Variants in FSTL5 observed in about 807,000 individuals in gnomAD.
FSTL5 encodes the protein follistatin-related protein 5.
Under a neutral mutation model 89.1 loss-of-function variants are expected in FSTL5, and 62 were observed. The observed-to-expected ratio is 0.70, with a 90% confidence interval of 0.57 to 0.86. FSTL5 has a LOEUF of 0.86. Ranked by LOEUF, FSTL5 falls within the 40% of genes least tolerant of loss-of-function variation. The pLI is 0.00. For missense variants in FSTL5, 1,057 were observed against 1,001.6 expected (o/e 1.06, Z -0.75); for synonymous variants, 383 against 346.2 (o/e 1.11, Z -1.18).
At chr4:161,887,260 C>G (rs1195893804) in intron 4 of FSTL5, among the ~76,000 whole-genome samples, 1 of 152,034 alleles carries the variant, frequency 6.6e-6, no homozygotes, top group East Asian at 1.9e-4. Flanking sequence ...GACACAATGA[C>G]AAAAAAGTGT....
intron 6 of FSTL5, among the ~76,000 whole-genome samples, chr4:161,722,942 T>C (rs1403965821): frequency 3.3e-5 from 5 of 152,178 alleles, no homozygotes; most frequent in Non-Finnish European, 5.9e-5. Context: ...ATGTGGCTTT[T>C]TATAATGTCA....
At position 161,897,944 on chromosome 4, in the gene FSTL5, C is replaced by T. The variant is rs1449235168; in HGVS notation, c.409+22460G>A. On this transcript the variant is annotated intron_variant, in intron 4 of 15. Coordinates refer to ENST00000306100, the MANE Select transcript of FSTL5 (RefSeq NM_020116.5). ...CTCCTTACTGTCTCAATACTTTTGC[C>T]TTTTCTAAAATGTCATATAATTGGA... Among the ~76,000 whole-genome samples, 4 of 151,840 alleles carry T rather than the reference C, an allele frequency of 2.6e-5. No homozygotes were observed. The East Asian group carries it at 7.7e-4, about 29-fold the overall frequency.
At position 161,510,417 on chromosome 4, in the gene FSTL5, G is replaced by T; in HGVS notation, c.1320C>A (p.Asn440Lys). Residue 440 changes from asparagine to lysine, a missense_variant, in exon 11 of 16, where the codon AAC becomes AAA. Physicochemically the swap from Asn to Lys is moderately conservative, Grantham distance 94 (BLOSUM62 0). This residue lies in a region of FSTL5 where 980 missense variants were observed against 903.2 expected (regional missense o/e 1.08). Coordinates refer to ENST00000306100, the MANE Select transcript of FSTL5 (RefSeq NM_020116.5). ...VEDSARKTLA[N>K]ILWREEGLGI... ...TAGTACCTTCTTCTCTCCATAATAT[G>T]TTAGCTACTGCAGCATGTTGAAAGA... The T allele has an allele frequency of 1.3e-6, 2 of 1,534,220 alleles. No individual in the cohort carries two copies. The highest frequency in any genetic ancestry group is 1.8e-6 in the Non-Finnish European group (2 of 1,140,314).
At chr4:161,684,050 A>T (rs1737618895) in intron 6 of FSTL5, among the ~76,000 whole-genome samples, 1 of 152,146 alleles carries the variant, frequency 6.6e-6, no homozygotes, top group Non-Finnish European at 1.5e-5. Flanking sequence ...CTCCAATCTC[A>T]TCCAGGTTGC....
chr4:161,861,465 G>C (rs1731914946), intron 4 of FSTL5, among the ~76,000 whole-genome samples: 1 of 151,386 alleles, frequency 6.6e-6, no homozygotes, highest in Non-Finnish European at 1.5e-5. Flanking sequence ...AAAGAAGGGA[G>C]GGAAAGAAAG....
chr4:161,924,635 A>G (rs1197946369), intron 3 of FSTL5, among the ~76,000 whole-genome samples: 1 of 151,722 alleles, frequency 6.6e-6, no homozygotes, highest in East Asian at 1.9e-4. Context: ...AAGGAGATTG[A>G]GATCATGTAA....
intron 4 of FSTL5, among the ~76,000 whole-genome samples, chr4:161,894,197 G>T (rs889260670): frequency 1.3e-5 from 2 of 152,044 alleles, no homozygotes; most frequent in Non-Finnish European, 2.9e-5. Flanking sequence ...GTAAGAGGTG[G>T]AGCACAGGTT....
At chr4:161,769,336 T>C (rs1039889616) in intron 5 of FSTL5, among the ~76,000 whole-genome samples, 1 of 151,998 alleles carries the variant, frequency 6.6e-6, no homozygotes, top group Non-Finnish European at 1.5e-5. Context: ...ACTCATTCCA[T>C]GAGACCAGTA....
chr4:161,395,438 G>T (rs1243963987), intron 15 of FSTL5, among the ~76,000 whole-genome samples: 1 of 151,914 alleles, frequency 6.6e-6, no homozygotes, highest in Non-Finnish European at 1.5e-5. Context: ...TCTTTCTATT[G>T]CAATTAAAAA....
intron 3 of FSTL5, among the ~76,000 whole-genome samples, chr4:162,025,328 C>T (rs1054439044): frequency 2.0e-5 from 3 of 152,034 alleles, no homozygotes; most frequent in African/African-American, 7.2e-5. Flanking sequence ...ATGTTTCTAT[C>T]ATGGATGTAC....
At chr4:161,607,352 C>A (rs569927948) in intron 7 of FSTL5, among the ~76,000 whole-genome samples, 2 of 151,962 alleles carry the variant, frequency 1.3e-5, no homozygotes, top group Non-Finnish European at 2.9e-5. Context: ...ACCCAGCTGC[C>A]TTTTTTAAGT....
chr4:161,840,835 C>T (rs748651648), intron 4 of FSTL5, among the ~76,000 whole-genome samples: 7 of 152,056 alleles, frequency 4.6e-5, no homozygotes, highest in Non-Finnish European at 7.4e-5. Flanking sequence ...GCTGCCTTTT[C>T]GTCTGACTTC....
chr4:161,613,107 C>G (rs1268500522), intron 7 of FSTL5, among the ~76,000 whole-genome samples: 2 of 152,060 alleles, frequency 1.3e-5, no homozygotes, highest in Non-Finnish European at 2.9e-5. Context: ...GAATCTAGGA[C>G]TAATACATGA....
At chr4:161,571,379 A>C (rs374526332) in intron 8 of FSTL5, among the ~76,000 whole-genome samples, 1 of 152,120 alleles carries the variant, frequency 6.6e-6, no homozygotes, top group Admixed American at 6.6e-5. Flanking sequence ...GGGAACAAAA[A>C]TGTGTGGGCC....
At chr4:161,600,814 T>C (rs1196466982) in intron 7 of FSTL5, among the ~76,000 whole-genome samples, 1 of 152,148 alleles carries the variant, frequency 6.6e-6, no homozygotes, top group Non-Finnish European at 1.5e-5. Context: ...GGCCTTATCT[T>C]GGGATATAAA....
intron 4 of FSTL5, among the ~76,000 whole-genome samples, chr4:161,897,606 T>C (rs1477833499): frequency 6.7e-6 from 1 of 148,380 alleles, no homozygotes; most frequent in South Asian, 2.1e-4. Context: ...AAAAAAAATA[T>C]ATATATGCAG....
At chr4:161,543,688 A>G (rs1200966388) in intron 8 of FSTL5, among the ~76,000 whole-genome samples, 1 of 152,036 alleles carries the variant, frequency 6.6e-6, no homozygotes, top group East Asian at 1.9e-4. Context: ...TTATTCTGGG[A>G]CAATTGGAAA....
chr4:161,975,754 A>AAAAATAAAATAAAATAAAAT (rs201057312), intron 3 of FSTL5, among the ~76,000 whole-genome samples: 12 of 134,944 alleles, frequency 8.9e-5, no homozygotes, highest in African/African-American at 2.8e-4. Flanking sequence ...AAAGTATAAT[A>AAAAATAAAATAAAATAAAAT]AAAATAAAAT....
At chr4:162,138,629 AT>A (rs1330006649) in intron 1 of FSTL5, among the ~76,000 whole-genome samples, 6 of 152,128 alleles carry the variant, frequency 3.9e-5, no homozygotes, top group Non-Finnish European at 8.8e-5. Context: ...TGGAGTCCTA[AT>A]CAGTGAAGTT....
Sources: gnomAD v4.1 joint callset for allele counts (sites outside exome capture counted in the v4.1 genomes callset) on GRCh38, gnomAD v4.1.1 for gene constraint, gnomAD v4.1.1 regional missense constraint, MANE v1.5 for transcripts, NCBI Gene and HGNC (gene_info 2026-07-23, HGNC 2026-07-21) for gene names.